The following REV3L variants were observed in gnomAD, a reference collection of about 807,000 sequenced individuals.
REV3L encodes DNA polymerase zeta catalytic subunit.
REV3L carries 69 observed loss-of-function variants against 299.4 expected under a neutral mutation model. That is an observed-to-expected ratio of 0.23 (90% confidence interval 0.19 to 0.28). REV3L has a LOEUF of 0.28. Among genes scored for constraint, REV3L ranks in the 10% least tolerant of loss-of-function variants. The pLI, the probability that REV3L is intolerant of heterozygous loss-of-function variation, is 1.00. For missense variants in REV3L, 3,128 were observed against 3,693.8 expected, an observed-to-expected ratio of 0.85 and a Z score of 3.97; for synonymous variants, 1,238 against 1,271.4, an observed-to-expected ratio of 0.97 and a Z score of 0.56.
At position 111,482,996 on chromosome 6, in the gene REV3L, A is replaced by G; in HGVS notation, c.-108T>C. 4 of 1,306,168 alleles carry G rather than the reference A, an allele frequency of 3.1e-6. No individual in the cohort carries two copies. The highest frequency in any genetic ancestry group is 4.0e-6 in the Non-Finnish European group (4 of 1,005,058). 80.9% of individuals were successfully genotyped at this position (1,306,168 alleles called of 1,614,324 possible). A position where few individuals can be genotyped will look rare whatever the true frequency, so the allele number is the denominator to read the frequency against. On this transcript the variant is annotated 5_prime_UTR_variant, in exon 1 of 32. Transcript: ENST00000368802. ...GGCGGCGCCCCCTCCCCTTCTCGGC[A>G]CGGCCCCCTCCCCTCACACAGAGGC...
intron 9 of REV3L, among the ~76,000 whole-genome samples, chr6:111,383,706 T>A (rs1486215606): frequency 6.6e-6 from 1 of 151,920 alleles, no homozygotes; most frequent in Non-Finnish European, 1.5e-5. Context: ...ACAGATTCAA[T>A]GCAATCCCTA....
chr6:111,367,846 C>T lies in REV3L; in HGVS notation c.5942G>A (p.Ser1981Asn), dbSNP rs375616016. The T allele has an allele frequency of 6.2e-7, 1 of 1,614,144 alleles. No homozygotes were observed. Among genetic ancestry groups the T allele is most frequent in the Non-Finnish European group, 8.5e-7 (1 of 1,180,000 alleles). ...SGQGVVNKGS[S>N]NSPKMVEDKK... The stretch of plus-strand genomic sequence containing the variant: ...ATCTTCAACCATCTTAGGGCTATTA[C>T]TTGACCCTTTATTGACAACTCCTTG... Residue 1981 changes from serine (S) to asparagine (N), a missense_variant, in exon 14 of 32, where the codon AGT (serine) becomes AAT (asparagine). Ser to Asn is a conservative substitution (Grantham distance 46). Transcript: ENST00000368802.
intron 18 of REV3L, among the ~76,000 whole-genome samples, chr6:111,352,784 G>C (rs184905753): frequency 6.6e-6 from 1 of 152,294 alleles, no homozygotes; most frequent in Non-Finnish European, 1.5e-5. Context: ...CGTGGTCAGA[G>C]CTTCACTGGC....
At position 111,349,340 on chromosome 6, in the gene REV3L, T is replaced by C. The variant is rs766823180; in HGVS notation, c.7301-4A>G. On this transcript the variant is annotated splice_polypyrimidine_tract_variant and splice_region_variant and intron_variant, in intron 19 of 31. Coordinates refer to ENST00000368802, the MANE Select transcript of REV3L (RefSeq NM_001372078.1). ...AATCTGTTCTCAATTTTGTCATCTA[T>C]AGAAATGAAAACAGACTGTATCAGG... is the stretch of plus-strand genomic sequence containing the variant. The C allele has an allele frequency of 2.8e-5, 42 of 1,499,280 alleles. No homozygotes were observed. The highest frequency in any genetic ancestry group is 1.4e-5 in the African/African-American group (1 of 72,560). 92.9% of individuals were successfully genotyped at this position (1,499,280 alleles called of 1,614,324 possible).
upstream of REV3L, chr6:111,483,472 C>G: frequency 2.1e-6 from 1 of 469,966 alleles, no homozygotes; most frequent in East Asian, 4.9e-5. Context: ...TGAGGGGCAG[C>G]GGAAGGGGCG....
chr6:111,409,484 G>A (rs1229921226), intron 3 of REV3L, among the ~76,000 whole-genome samples: 1 of 151,316 alleles, frequency 6.6e-6, no homozygotes, highest in African/African-American at 2.4e-5. Context: ...CAGTGCAAAA[G>A]GAAAATCAGT....
In REV3L at chr6:111,367,389, G is replaced by T; in HGVS notation, c.6399C>A (p.Ser2133=). ...CTCCATTTAATGCTTTGGAATCTGG[G>T]GATATTGGTTGTTGCCAAGGGGGAA... ...PVIPPWQQPI[S]PDSKALNGDD... The change falls in exon 14 of 32, where the codon TCC becomes TCA. Residue 2133 remains serine, a synonymous_variant. Coordinates refer to ENST00000368802, the MANE Select transcript of REV3L (RefSeq NM_001372078.1). 1 of 1,610,496 alleles carries T rather than the reference G, an allele frequency of 6.2e-7. No individual in the cohort carries two copies. The highest frequency in any genetic ancestry group is 8.5e-7 in the Non-Finnish European group (1 of 1,178,586).
chr6:111,476,144 A>C (rs1302475755), intron 1 of REV3L, among the ~76,000 whole-genome samples: 2 of 152,176 alleles, frequency 1.3e-5, no homozygotes, highest in Non-Finnish European at 2.9e-5. Flanking sequence ...ATAATGTTAC[A>C]CATGAAACAA....
Position 111,311,863 on chromosome 6 carries a change from A to AATG in REV3L, c.8605-607_8605-605dup, listed in dbSNP as rs1276534078. ...TGCTCTGTCGCTCAGGCTGGAGTGCAATGGCGTGATCTCGGCTCACTGCAA... is the reference window on the plus strand; with the variant it reads ...TGCTCTGTCGCTCAGGCTGGAGTGCAATGATGGCGTGATCTCGGCTCACTGCAA... On this transcript the variant is annotated intron_variant, in intron 28 of 31. Coordinates refer to ENST00000368802, the MANE Select transcript of REV3L (RefSeq NM_001372078.1). 7.3e-5 allele frequency: 11 copies of AATG among 151,450 alleles called. 1 individual carries two copies. Among genetic ancestry groups the AATG allele is most frequent in the African/African-American group, 2.7e-4 (11 of 41,062 alleles). The allele number at this position is 151,450 out of a possible 1,614,324, so 9.4% of individuals were successfully genotyped here.
intron 18 of REV3L, chr6:111,356,638 G>A (rs1393726401): frequency 6.5e-6 from 1 of 153,092 alleles, no homozygotes. Context: ...CTGAAATGGT[G>A]GCTGGCTCCC....
chr6:111,307,369 G>T lies in REV3L; in HGVS notation c.9244C>A (p.Leu3082Ile), dbSNP rs1186399367. The T allele has an allele frequency of 6.2e-7, 1 of 1,613,766 alleles. No homozygotes were observed. Among genetic ancestry groups the T allele is most frequent in the Non-Finnish European group, 8.5e-7 (1 of 1,179,868 alleles). The change falls in exon 31 of 32, where the codon CTT becomes ATT. Residue 3082 changes from leucine to isoleucine, a missense_variant. Leu to Ile is a conservative substitution (Grantham distance 5, BLOSUM62 2). Around this residue, in one of 9 missense-constraint regions of REV3L, gnomAD observed 294 missense variants for 377.0 expected, o/e 0.78. Coordinates refer to ENST00000368802, the MANE Select transcript of REV3L (RefSeq NM_001372078.1). ...ATGGAACAAAACTGTACCTTTACAA[G>T]TTGCTCCTGTTGACGTTCCAACTCC... is the stretch of plus-strand genomic sequence containing the variant. ...IRELERQQEQ[L>I]VKICKNCTGC...
intron 1 of REV3L, among the ~76,000 whole-genome samples, chr6:111,479,738 T>C (rs1489170376): frequency 6.6e-6 from 1 of 152,152 alleles, no homozygotes; most frequent in Non-Finnish European, 1.5e-5. Flanking sequence ...CTCCAACTCC[T>C]GGGTTCAAGC....
chr6:111,482,685 G>T (rs1793904399), intron 1 of REV3L, 65 bp downstream of exon 1: 1 of 1,045,232 alleles, frequency 9.6e-7, no homozygotes, highest in Non-Finnish European at 1.2e-6. Flanking sequence ...CGTGTGCGCG[G>T]CGGGGAGGGC....
At chr6:111,468,402 T>C (rs1451848016) in intron 1 of REV3L, among the ~76,000 whole-genome samples, 1 of 152,180 alleles carries the variant, frequency 6.6e-6, no homozygotes, top group Non-Finnish European at 1.5e-5. Context: ...TGAACTTTAC[T>C]AATATATGAA....
Position 111,376,344 on chromosome 6 carries a change from T to C in REV3L, c.2011A>G (p.Arg671Gly), listed in dbSNP as rs1780302556. 1 of 1,612,904 alleles carries C rather than the reference T, an allele frequency of 6.2e-7. No homozygotes were observed. The highest frequency in any genetic ancestry group is 8.5e-7 in the Non-Finnish European group (1 of 1,179,644). ...DYEEDIPSVT[R>G]QVPSRKYTNI... ...GTATATTTTCTACTTGGTACTTGTC[T>C]TGTAACAGATGGAATATCTTCTTCA... Residue 671 changes from arginine (R) to glycine (G), a missense_variant, in exon 13 of 32, where the codon AGA becomes GGA. Coordinates refer to ENST00000368802, the MANE Select transcript of REV3L (RefSeq NM_001372078.1).
intron 24 of REV3L, chr6:111,330,192 A>G: frequency 2.4e-6 from 1 of 415,012 alleles, no homozygotes; most frequent in South Asian, 1.7e-5. Context: ...CTACCTTGGA[A>G]GAATGATGAG....
chr6:111,404,191 C>G (rs1783383604), intron 4 of REV3L, among the ~76,000 whole-genome samples: 1 of 152,038 alleles, frequency 6.6e-6, no homozygotes, highest in Non-Finnish European at 1.5e-5. Context: ...ATCCTAGGGC[C>G]CTTAAGAATT....
At chr6:111,475,174 A>G (rs919292459) in intron 1 of REV3L, among the ~76,000 whole-genome samples, 7 of 152,166 alleles carry the variant, frequency 4.6e-5, no homozygotes, top group Admixed American at 4.6e-4. Flanking sequence ...ATAGCACCAC[A>G]GCAGTACACA....
At chr6:111,462,393 C>T (rs2128326944) in intron 1 of REV3L, among the ~76,000 whole-genome samples, 2 of 152,164 alleles carry the variant, frequency 1.3e-5, no homozygotes, top group South Asian at 4.1e-4. Flanking sequence ...AAGAGGCTGT[C>T]CGCCAGAAAG....
Sources: allele counts gnomAD v4.1 joint callset (sites outside exome capture counted in the v4.1 genomes callset), GRCh38; gene constraint gnomAD v4.1.1; regional missense constraint gnomAD v4.1.1; transcripts MANE v1.5; gene names NCBI Gene and HGNC (gene_info 2026-07-23, HGNC 2026-07-21).